The following TUSC3 variants were observed in gnomAD, a reference collection of about 807,000 sequenced individuals.
TUSC3 encodes tumor suppressor candidate 3, also known as dolichyl-diphosphooligosaccharide--protein glycosyltransferase subunit TUSC3.
Under a neutral mutation model 44.8 loss-of-function variants are expected in TUSC3, and 45 were observed. The ratio of observed to expected loss-of-function variants is 1.00; its 90% confidence interval spans 0.79 to 1.29. The LOEUF (loss-of-function observed/expected upper bound fraction) is 1.29. Among genes scored for constraint, TUSC3 ranks in the 50% most tolerant of loss-of-function variants. The probability of loss-of-function intolerance (pLI) is 0.00; values close to 1 mark genes in which losing one functional copy is unlikely to be tolerated. For missense variants in TUSC3, 519 were observed against 437.9 expected, an observed-to-expected ratio of 1.19 and a Z score of -1.65; for synonymous variants, 212 against 152.9, an observed-to-expected ratio of 1.39 and a Z score of -2.85.
chr8:15,662,097 G>T, intron 4 of TUSC3, 59 bp from the exon 5 acceptor site: 2 of 1,595,290 alleles, frequency 1.3e-6, no homozygotes, highest in South Asian at 2.2e-5. Flanking sequence ...ACTAGAATAT[G>T]ATCAAAAGAA....
intron 2 of TUSC3, among the ~76,000 whole-genome samples, chr8:15,509,201 A>G (rs1341275176): frequency 6.6e-6 from 1 of 152,236 alleles, no homozygotes; most frequent in African/African-American, 2.4e-5. Context: ...AGAAGAGCAA[A>G]TATTGGAGAT....
At chr8:15,491,052 C>T (rs1259526722) in intron 2 of TUSC3, among the ~76,000 whole-genome samples, 2 of 152,180 alleles carry the variant, frequency 1.3e-5, no homozygotes, top group Admixed American at 1.3e-4. Context: ...ACTGAACACA[C>T]ATTTTACATA....
At chr8:15,690,639 C>A (rs1014015210) in intron 6 of TUSC3, among the ~76,000 whole-genome samples, 1 of 152,022 alleles carries the variant, frequency 6.6e-6, no homozygotes, top group Non-Finnish European at 1.5e-5. Flanking sequence ...TTTGTTTTTA[C>A]ATTTAAGTAT....
chr8:15,787,177 T>C, the TUSC3 span, among the ~76,000 whole-genome samples: 4 of 152,270 alleles, frequency 2.6e-5, no homozygotes, highest in Admixed American at 2.0e-4. Flanking sequence ...TATTTCGTTG[T>C]GTTGTTTTGT....
At chr8:15,494,961 T>C (rs932901951) in intron 2 of TUSC3, among the ~76,000 whole-genome samples, 1 of 152,188 alleles carries the variant, frequency 6.6e-6, no homozygotes, top group African/African-American at 2.4e-5. Flanking sequence ...ATTGTGTCCA[T>C]GTGTACTCAA....
the TUSC3 span, among the ~76,000 whole-genome samples, chr8:15,851,942 T>A: frequency 6.6e-6 from 1 of 152,110 alleles, no homozygotes; most frequent in South Asian, 2.1e-4. Flanking sequence ...ACCTGATAGT[T>A]TTATAAGGGG....
the TUSC3 span, among the ~76,000 whole-genome samples, chr8:15,839,471 A>G: frequency 1.9e-3 from 293 of 152,046 alleles, 3 homozygotes; most frequent in African/African-American, 6.6e-3. Context: ...TTTGCAATCT[A>G]CTCATCTGAC....
chr8:15,851,673 A>T, the TUSC3 span, among the ~76,000 whole-genome samples: 1 of 152,214 alleles, frequency 6.6e-6, no homozygotes, highest in Non-Finnish European at 1.5e-5. Context: ...ATCAAGGTTA[A>T]TGACATCTTC....
the TUSC3 span, among the ~76,000 whole-genome samples, chr8:15,810,050 G>A: frequency 2.0e-5 from 3 of 152,226 alleles, no homozygotes; most frequent in East Asian, 3.9e-4. Context: ...TGTGCTGCTG[G>A]TTCAGGGATC....
chr8:15,757,160 G>A (rs1250389429), intron 9 of TUSC3, among the ~76,000 whole-genome samples: 1 of 152,096 alleles, frequency 6.6e-6, no homozygotes, highest in African/African-American at 2.4e-5. Flanking sequence ...TCTTAAAAAA[G>A]AGGTATCGCA....
chr8:15,594,533 C>G (rs1803985610), intron 1 of TUSC3, among the ~76,000 whole-genome samples: 2 of 152,144 alleles, frequency 1.3e-5, no homozygotes, highest in African/African-American at 4.8e-5. Context: ...GGCTGTGATG[C>G]AAGCAAGTAT....
chr8:15,798,393 C>T, the TUSC3 span, among the ~76,000 whole-genome samples: 1 of 152,116 alleles, frequency 6.6e-6, no homozygotes, highest in Non-Finnish European at 1.5e-5. Context: ...TTCAAAATTC[C>T]CAAACTTATT....
At chr8:15,629,703 T>G (rs183986255) in intron 2 of TUSC3, among the ~76,000 whole-genome samples, 1 of 150,920 alleles carries the variant, frequency 6.6e-6, no homozygotes, top group Non-Finnish European at 1.5e-5. Flanking sequence ...TCGTAGTACT[T>G]TCCTTTGTGA....
At chr8:15,666,612 T>TAG (rs1404173501) in intron 5 of TUSC3, among the ~76,000 whole-genome samples, 2 of 151,446 alleles carry the variant, frequency 1.3e-5, no homozygotes, top group Non-Finnish European at 3.0e-5. Context: ...CAAATGGGGG[T>TAG]AGAAAAGGGT....
chr8:15,650,984 TACACACACACACACACAC>T (rs3070913), intron 3 of TUSC3, 170 bp downstream of exon 3: 61 of 501,986 alleles, frequency 1.2e-4, no homozygotes, highest in Middle Eastern at 5.8e-4. Flanking sequence ...GCAAGACTTT[TACACACACACACACACAC>T]ACACACACAC....
intron 6 of TUSC3, among the ~76,000 whole-genome samples, chr8:15,722,252 T>G (rs1450468143): frequency 6.6e-6 from 1 of 151,062 alleles, no homozygotes; most frequent in African/African-American, 2.4e-5. Flanking sequence ...TTTCTTTCTT[T>G]TTTTTTTTTT....
intron 2 of TUSC3, among the ~76,000 whole-genome samples, chr8:15,522,232 C>T (rs927405782): frequency 6.6e-6 from 1 of 150,682 alleles, no homozygotes; most frequent in Non-Finnish European, 1.5e-5. Context: ...GTATTCAGCC[C>T]TTTGTTTTTT....
intron 1 of TUSC3, among the ~76,000 whole-genome samples, chr8:15,449,745 C>T (rs1800168571): frequency 6.6e-6 from 1 of 152,166 alleles, no homozygotes; most frequent in Non-Finnish European, 1.5e-5. Flanking sequence ...TATTTTTCAT[C>T]ACTCACTCAC....
At chr8:15,681,317 T>C (rs979445299) in intron 6 of TUSC3, among the ~76,000 whole-genome samples, 2 of 151,884 alleles carry the variant, frequency 1.3e-5, no homozygotes, top group Non-Finnish European at 2.9e-5. Flanking sequence ...TTTTTTTGGT[T>C]AGTAGGTTTT....
Sources: allele counts gnomAD v4.1 joint callset (sites outside exome capture counted in the v4.1 genomes callset), GRCh38; gene constraint gnomAD v4.1.1; transcripts MANE v1.5; gene names NCBI Gene and HGNC (gene_info 2026-07-23, HGNC 2026-07-21).